The following GAS5 variants were observed in gnomAD, a reference collection of about 807,000 sequenced individuals.
GAS5 encodes the protein growth arrest specific 5 (non-protein coding).
chr1:173,867,031 C>T (rs1654820117), exon 1 of GAS5: 1 of 758,122 alleles, frequency 1.3e-6, no homozygotes, highest in Non-Finnish European at 2.4e-6. Context: ...TGCATCTGCA[C>T]CCAGCACCAT....
upstream of GAS5, chr1:173,867,751 G>A (rs116541946): frequency 1.0e-4 from 54 of 519,176 alleles, no homozygotes; most frequent in African/African-American, 1.0e-3. Context: ...GGCAGGGCAC[G>A]AGAGCCGAGG....
At position 173,865,462 on chromosome 1, in the gene GAS5, AACATGTACCTTTAAAAGGTATG is replaced by A. The variant is rs764829207; in HGVS notation, n.263_276+8del. On this transcript the variant is annotated splice_donor_variant and splice_donor_5th_base_variant and non_coding_transcript_exon_variant and intron_variant, in exon 6 of 8. Transcript: ENST00000651080. The stretch of plus-strand genomic sequence containing the variant: ...AATCAATTAACGTTAACATCAATAA[AACATGTACCTTTAAAAGGTATG>A]ACAGGAACTGTCTTCATGTCCTTAC... 76 of 510,176 alleles carry A rather than the reference AACATGTACCTTTAAAAGGTATG, an allele frequency of 1.5e-4. 1 individual carries two copies. Among genetic ancestry groups the A allele is most frequent in the South Asian group, 3.6e-4 (25 of 70,302 alleles). 31.6% of individuals were successfully genotyped at this position (510,176 alleles called of 1,614,324 possible).
At chr1:173,864,856 A>C (rs755715163) in intron 6 of GAS5, 5 of 519,086 alleles carry the variant, frequency 9.6e-6, no homozygotes, top group Non-Finnish European at 1.9e-5. Context: ...CGAAAGACTT[A>C]ATATTGCTCA....
chr1:173,868,662 A>T (rs541861475), upstream of GAS5: 4 of 151,816 alleles, frequency 2.6e-5, no homozygotes, highest in Admixed American at 2.0e-4. Context: ...CAGCCGGGAC[A>T]CACCCAGATA....
intron 2 of GAS5, chr1:173,866,596 A>AT: frequency 1.3e-6 from 1 of 763,102 alleles, no homozygotes; most frequent in South Asian, 1.4e-5. Context: ...ATGTGAACTT[A>AT]GGTGTACTCT....
intron 4 of GAS5, chr1:173,866,046 C>G (rs778856850): frequency 9.2e-5 from 48 of 519,052 alleles, no homozygotes; most frequent in African/African-American, 7.5e-4. Context: ...TACAAACTTT[C>G]TTATTAATCA....
chr1:173,865,417 A>G (rs1479752793), intron 6 of GAS5: 3 of 516,474 alleles, frequency 5.8e-6, no homozygotes, highest in South Asian at 2.8e-5. Context: ...TAATTTTAAA[A>G]TCATCACTAA....
At chr1:173,867,418 A>C (rs1654921780), upstream of GAS5, 1 of 360,480 alleles carries the variant, frequency 2.8e-6, no homozygotes, top group African/African-American at 2.1e-5. Flanking sequence ...TGGGAGGCTG[A>C]GGCAGAACTG....
intron 6 of GAS5, chr1:173,864,451 G>A (rs1473750212): frequency 1.9e-6 from 1 of 517,892 alleles, no homozygotes; most frequent in Non-Finnish European, 3.9e-6. Flanking sequence ...TGGTTACACT[G>A]AAAATCATCA....
At chr1:173,865,121 C>G in intron 6 of GAS5, 1 of 340,488 alleles carries the variant, frequency 2.9e-6, no homozygotes, top group Non-Finnish European at 5.7e-6. Context: ...ATTCCTTGAA[C>G]CTGGGAGGCA....
At chr1:173,863,969 G>A in intron 7 of GAS5, 1 of 302,584 alleles carries the variant, frequency 3.3e-6, no homozygotes, top group Non-Finnish European at 6.7e-6. Context: ...ACTCCATCAG[G>A]CAGTCTACAA....
At chr1:173,864,665 TTAAAC>T (rs1339897539) in intron 6 of GAS5, 1 of 407,164 alleles carries the variant, frequency 2.5e-6, no homozygotes, top group African/African-American at 2.1e-5. Flanking sequence ...CCTTCAAAGT[TTAAAC>T]TAACCTGCAT....
upstream of GAS5, chr1:173,867,670 T>C (rs559829869): frequency 1.3e-5 from 7 of 518,972 alleles, no homozygotes; most frequent in African/African-American, 1.2e-4. Context: ...TGACTCGGCA[T>C]GTGCCACCAT....
At chr1:173,867,328 T>G (rs544799356), upstream of GAS5, 1 of 422,810 alleles carries the variant, frequency 2.4e-6, no homozygotes, top group African/African-American at 2.0e-5. Flanking sequence ...AAGACCAGTC[T>G]CGCCAACATG....
intron 4 of GAS5, chr1:173,866,086 A>C: frequency 5.8e-6 from 3 of 518,770 alleles, no homozygotes; most frequent in South Asian, 4.2e-5. Context: ...CATTTATTTA[A>C]TGCATTCAGC....
intron 6 of GAS5, chr1:173,864,770 A>C: frequency 1.9e-6 from 1 of 516,118 alleles, no homozygotes. Context: ...CAAAATCTCC[A>C]AACATTATAG....
chr1:173,864,940 G>A lies in GAS5; in HGVS notation n.276+531C>T, dbSNP rs149094308. ...AACACTTAAAAACCAGACTTGAGGCGGGGCATGGTGGCTCACGCCTGTAAT... is the reference window on the plus strand; with the variant it reads ...AACACTTAAAAACCAGACTTGAGGCAGGGCATGGTGGCTCACGCCTGTAAT... On this transcript the variant is annotated intron_variant and non_coding_transcript_variant, in intron 6 of 7. Coordinates refer to ENST00000651080, the Ensembl canonical transcript of GAS5. 422 of 514,574 alleles carry A rather than the reference G, an allele frequency of 8.2e-4. 1 individual carries two copies. Among genetic ancestry groups the A allele is most frequent in the African/African-American group, 6.0e-3 (312 of 51,882 alleles). The allele number at this position is 514,574 out of a possible 1,614,324, so 31.9% of individuals were successfully genotyped here.
upstream of GAS5, chr1:173,867,080 C>T: frequency 1.5e-6 from 1 of 663,614 alleles, no homozygotes. Flanking sequence ...TTCATTGTTC[C>T]ACGGTTCTTT....
At position 173,866,436 on chromosome 1, in the gene GAS5, A is replaced by G. The variant is rs140798521; in HGVS notation, n.131+92T>C. On this transcript the variant is annotated intron_variant and non_coding_transcript_variant, in intron 3 of 7. Transcript: ENST00000651080. ...GAGAGCAAAATTCTCATTTGAAAAG[A>G]GGGGAGAGAAGCACTAACATAGATA... The G allele has an allele frequency of 9.1e-5, 55 of 601,972 alleles. No individual in the cohort carries two copies. The Middle Eastern group carries it at 1.1e-3, about 13-fold the overall frequency. The allele number at this position is 601,972 out of a possible 1,614,324, so 37.3% of individuals were successfully genotyped here. A position where few individuals can be genotyped will look rare whatever the true frequency, so the allele number is the denominator to read the frequency against.
Sources: gnomAD v4.1 joint callset for allele counts on GRCh38, gnomAD v4.1.1 for gene constraint, MANE v1.5 for transcripts, NCBI Gene and HGNC (gene_info 2026-07-23, HGNC 2026-07-21) for gene names.